Variants in TTC12 observed in about 807,000 individuals in gnomAD.
TTC12 encodes tetratricopeptide repeat domain 12, also known as tetratricopeptide repeat protein 12.
Under a neutral mutation model 90.1 loss-of-function variants are expected in TTC12, and 70 were observed. The ratio of observed to expected loss-of-function variants is 0.78; its 90% CI spans 0.64 to 0.95. The LOEUF (loss-of-function observed/expected upper bound fraction) is 0.95, where lower values mean the gene tolerates loss of function less well. Ranked by LOEUF, TTC12 falls within the 40% of genes least tolerant of loss-of-function variation. TTC12 has a pLI of 0.00. For synonymous variants in TTC12, 296 were observed against 311.5 expected (o/e 0.95, Z 0.53); for missense variants, 819 against 846.1 (o/e 0.97, Z 0.40).
At chr11:113,368,298 C>A, downstream of TTC12, 1 of 1,540,124 alleles carries the variant, frequency 6.5e-7, no homozygotes, top group Non-Finnish European at 8.7e-7. Flanking sequence ...TCTCCCTCTC[C>A]AGTGTGGATC....
In TTC12 at chr11:113,352,137, G is replaced by A. The variant is rs926993589; in HGVS notation, c.1376G>A (p.Ser459Asn). Residue 459 changes from serine to asparagine, a missense_variant, in exon 16 of 22, where the codon AGT (serine) becomes AAT (asparagine). Coordinates refer to ENST00000529221, the MANE Select transcript of TTC12 (RefSeq NM_017868.4). ...TGCATTGCCATCATGGGAAACCTCA[G>A]TGCTGAGCCCACTACCCGAAGACAC... ...CQCIAIMGNL[S>N]AEPTTRRHMA... 35 of 1,614,132 alleles carry A rather than the reference G, an allele frequency of 2.2e-5. No individual in the cohort carries two copies. The East Asian group carries it at 6.5e-4, about 30-fold the overall frequency.
At chr11:113,316,750 A>G (rs1488165510) in intron 2 of TTC12, among the ~76,000 whole-genome samples, 3 of 152,226 alleles carry the variant, frequency 2.0e-5, no homozygotes, top group Non-Finnish European at 2.9e-5. Context: ...AGGATCCATC[A>G]AATTACATGG....
At chr11:113,332,192 A>G (rs1344390492) in intron 7 of TTC12, among the ~76,000 whole-genome samples, 7 of 152,220 alleles carry the variant, frequency 4.6e-5, no homozygotes, top group African/African-American at 1.7e-4. Context: ...TTCTTGCACA[A>G]TGAAATACAT....
Position 113,339,398 on chromosome 11 carries a change from G to A in TTC12, c.750G>A (p.Glu250=). ...CCGTGACCACCAAGAACCTCCTGGA[G>A]ACCCTTTCCAAGCCTGACCAGATCC... is the stretch of plus-strand genomic sequence containing the variant. ...NTAVTTKNLL[E]TLSKPDQIPL... is the part of the protein sequence containing the mutation. Residue 250 remains glutamate, a synonymous_variant, in exon 10 of 22, where the codon GAG becomes GAA. Transcript: ENST00000529221. 1 of 1,614,042 alleles carries A rather than the reference G, an allele frequency of 6.2e-7. No individual in the cohort carries two copies. Among genetic ancestry groups the A allele is most frequent in the Non-Finnish European group, 8.5e-7 (1 of 1,180,016 alleles).
chr11:113,344,285 T>G lies in TTC12; in HGVS notation c.999T>G (p.Arg333=). ...TGTGTTTTGCAGAGGAAAACCAGCG[T>G]GTGCTAGTGATACACCATGACAGGG... is the stretch of plus-strand genomic sequence containing the variant. ...AVCSRNEENQ[R]VLVIHHDRAR... The change falls in exon 13 of 22, where the codon CGT becomes CGG. Residue 333 remains arginine, a synonymous_variant. Coordinates refer to ENST00000529221, the MANE Select transcript of TTC12 (RefSeq NM_017868.4). 1 of 1,612,392 alleles carries G rather than the reference T, an allele frequency of 6.2e-7. No homozygotes were observed. The highest frequency in any genetic ancestry group is 8.5e-7 in the Non-Finnish European group (1 of 1,178,944).
chr11:113,332,587 T>TC (rs1948127552), intron 7 of TTC12, among the ~76,000 whole-genome samples: 1 of 152,164 alleles, frequency 6.6e-6, no homozygotes, highest in African/African-American at 2.4e-5. Context: ...ACCCCTCTGC[T>TC]CCCCGTCTTT....
intron 13 of TTC12, among the ~76,000 whole-genome samples, chr11:113,345,448 G>C (rs1591582749): frequency 6.7e-6 from 1 of 149,720 alleles, no homozygotes; most frequent in East Asian, 2.0e-4. Flanking sequence ...TCCGCTCTGT[G>C]TTCCCAGTGG....
Position 113,344,415 on chromosome 11 carries a change from A to G in TTC12, c.1129A>G (p.Ile377Val). 1 of 1,614,004 alleles carries G rather than the reference A, an allele frequency of 6.2e-7. No individual in the cohort carries two copies. Among genetic ancestry groups the G allele is most frequent in the South Asian group, 1.1e-5 (1 of 91,048 alleles). ...LAQTESGRSL[I>V]INHLDLTRLL... is the part of the protein sequence containing the mutation. ...CCAGACTGAGAGCGGACGGAGCCTGATCATCAACCACCTTGACCTGACCAG... is the reference window on the plus strand; with the variant it reads ...CCAGACTGAGAGCGGACGGAGCCTGGTCATCAACCACCTTGACCTGACCAG... The change falls in exon 13 of 22, where the codon ATC becomes GTC. Residue 377 changes from isoleucine (I) to valine (V), a missense_variant. Transcript: ENST00000529221.
intron 16 of TTC12, among the ~76,000 whole-genome samples, chr11:113,352,691 A>G (rs1478298716): frequency 6.6e-6 from 1 of 152,178 alleles, no homozygotes; most frequent in East Asian, 1.9e-4. Context: ...CTTACAAGGA[A>G]GAACATGTGG....
intron 16 of TTC12, 95 bp downstream of exon 16, chr11:113,352,302 G>A: frequency 1.3e-6 from 2 of 1,546,230 alleles, no homozygotes; most frequent in Non-Finnish European, 1.8e-6. Context: ...TTCTGTTTCT[G>A]TGGGTGTTGG....
At chr11:113,364,759 AC>A in intron 20 of TTC12, 75 bp from the exon 21 acceptor site, 1 of 1,201,052 alleles carries the variant, frequency 8.3e-7, no homozygotes, top group African/African-American at 1.5e-5. Flanking sequence ...ATCTCCCTGC[AC>A]CCCTCATGTC....
chr11:113,361,726 A>T (rs782726581), intron 18 of TTC12, among the ~76,000 whole-genome samples: 24 of 152,272 alleles, frequency 1.6e-4, no homozygotes, highest in Non-Finnish European at 3.2e-4. Flanking sequence ...ATGCCCAAAC[A>T]TATTTTCTTG....
intron 13 of TTC12, among the ~76,000 whole-genome samples, chr11:113,346,484 C>G (rs1948968403): frequency 6.6e-6 from 1 of 152,044 alleles, no homozygotes. Flanking sequence ...AAGTCTCTGC[C>G]CTTCTCTTGA....
rs200928436 is a variant in TTC12 at position 113,366,347 on chromosome 11, G to C, written c.*47G>C. 5.6e-4 allele frequency: 898 copies of C among 1,609,748 alleles called. No individual in the cohort carries two copies. The highest frequency in any genetic ancestry group is 3.3e-4 in the Non-Finnish European group (386 of 1,179,594). Reference sequence around the variant, plus strand: ...TTTGGGGAACACACAGATGCACACCGTGTGTTGTTCCTATGCTAATAAAGA... The same window carrying C: ...TTTGGGGAACACACAGATGCACACCCTGTGTTGTTCCTATGCTAATAAAGA... On this transcript the variant is annotated 3_prime_UTR_variant, in exon 22 of 22. Transcript: ENST00000529221.
rs1488347375 is a variant in TTC12 at position 113,359,593 on chromosome 11, G to C, written c.1545+132G>C. 9 of 683,680 alleles carry C rather than the reference G, an allele frequency of 1.3e-5. No individual in the cohort carries two copies. The African/African-American group carries it at 1.6e-4, about 12-fold the overall frequency. 42.4% of individuals were successfully genotyped at this position (683,680 alleles called of 1,614,324 possible). A position where few individuals can be genotyped will look rare whatever the true frequency, so the allele number is the denominator to read the frequency against. On this transcript the variant is annotated intron_variant, in intron 17 of 21. Coordinates refer to ENST00000529221, the MANE Select transcript of TTC12 (RefSeq NM_017868.4). ...CACACTGGCCGTGGAATGGGAAAAG[G>C]CTGGAGGGATGCGCTCTCCCTTTGC...
intron 9 of TTC12, 24 bp downstream of exon 9, chr11:113,338,858 C>A: frequency 6.2e-7 from 1 of 1,609,962 alleles, no homozygotes; most frequent in East Asian, 2.2e-5. Context: ...TGCTGAGGTC[C>A]TTCATCTGAA....
chr11:113,364,297 A>G (rs1279540585), intron 20 of TTC12: 1 of 227,704 alleles, frequency 4.4e-6, no homozygotes, highest in Non-Finnish European at 8.7e-6. Flanking sequence ...GGTTTAGTCC[A>G]GTAACTTAAA....
At chr11:113,317,024 G>A (rs1555135980) in intron 2 of TTC12, among the ~76,000 whole-genome samples, 1 of 152,226 alleles carries the variant, frequency 6.6e-6, no homozygotes, top group African/African-American at 2.4e-5. Context: ...GAATAAAGTG[G>A]TTTTAAAGCT....
chr11:113,369,278 G>A (rs1008894849), downstream of TTC12, among the ~76,000 whole-genome samples: 2 of 152,026 alleles, frequency 1.3e-5, no homozygotes, highest in African/African-American at 2.4e-5. Flanking sequence ...GCATGCGTCC[G>A]TATCCCAAAT....
Sources: gnomAD v4.1 joint callset for allele counts (sites outside exome capture counted in the v4.1 genomes callset) on GRCh38, gnomAD v4.1.1 for gene constraint, MANE v1.5 for transcripts, NCBI Gene and HGNC (gene_info 2026-07-23, HGNC 2026-07-21) for gene names.